STRN3: variants seen among roughly 807,000 people sequenced by gnomAD.
STRN3 encodes striatin 3, also known as striatin-3.
Under a neutral mutation model 95.6 loss-of-function variants are expected in STRN3, and 29 were observed. The observed-to-expected ratio is 0.30, with a 90% CI of 0.23 to 0.41. The LOEUF is 0.41. STRN3 is among the 10% of genes least tolerant of loss of function. STRN3 has a pLI of 1.00. For missense variants in STRN3, 890 were observed against 972.1 expected, an observed-to-expected ratio of 0.92 and a Z score of 1.12; for synonymous variants, 331 against 357.6, an observed-to-expected ratio of 0.93 and a Z score of 0.84.
chr14:30,994,195 TG>T (rs1243837716), intron 1 of STRN3, among the ~76,000 whole-genome samples: 1 of 152,036 alleles, frequency 6.6e-6, no homozygotes, highest in Non-Finnish European at 1.5e-5. Flanking sequence ...TTCAATATGT[TG>T]GCCAGGATGG....
chr14:30,931,456 A>T (rs2139058877), intron 7 of STRN3, among the ~76,000 whole-genome samples: 1 of 152,324 alleles, frequency 6.6e-6, no homozygotes. Context: ...AAAAACACGA[A>T]ATTCTATTAC....
At chr14:30,981,683 C>T (rs1446270452) in intron 1 of STRN3, among the ~76,000 whole-genome samples, 1 of 151,986 alleles carries the variant, frequency 6.6e-6, no homozygotes. Flanking sequence ...GTCCAGTCCC[C>T]GACCTACCCA....
chr14:30,896,801 A>G (rs1000735873), intron 16 of STRN3, among the ~76,000 whole-genome samples: 5 of 152,210 alleles, frequency 3.3e-5, no homozygotes, highest in African/African-American at 2.4e-5. Flanking sequence ...GATATTAACA[A>G]AAACACTGCT....
chr14:30,946,503 C>T (rs1199931620), intron 5 of STRN3, among the ~76,000 whole-genome samples: 1 of 152,124 alleles, frequency 6.6e-6, no homozygotes, highest in East Asian at 1.9e-4. Flanking sequence ...GACAGCACAC[C>T]AGTGCACTCC....
chr14:30,930,204 T>A (rs1056923069), intron 7 of STRN3, among the ~76,000 whole-genome samples: 2 of 152,054 alleles, frequency 1.3e-5, no homozygotes, highest in African/African-American at 4.8e-5. Context: ...AGCATAAAAA[T>A]AATTAAGTCT....
chr14:30,898,915 ACT>A (rs1187843287), intron 16 of STRN3, among the ~76,000 whole-genome samples: 2 of 152,170 alleles, frequency 1.3e-5, no homozygotes, highest in Non-Finnish European at 2.9e-5. Context: ...ACGGAAACAA[ACT>A]GTGTGAGTTT....
At chr14:30,906,495 G>C (rs1896463473) in intron 14 of STRN3, among the ~76,000 whole-genome samples, 1 of 152,130 alleles carries the variant, frequency 6.6e-6, no homozygotes, top group Non-Finnish European at 1.5e-5. Flanking sequence ...TACTCAACTA[G>C]TGTGCTCGAG....
chr14:30,951,811 TA>T (rs1014736388), intron 3 of STRN3, among the ~76,000 whole-genome samples: 2 of 151,728 alleles, frequency 1.3e-5, no homozygotes, highest in African/African-American at 4.8e-5. Context: ...GTGTACACAT[TA>T]AAAAAAATAA....
chr14:30,967,921 G>A (rs894164795), intron 1 of STRN3, among the ~76,000 whole-genome samples: 8 of 152,110 alleles, frequency 5.3e-5, no homozygotes, highest in African/African-American at 1.9e-4. Context: ...CCGGGTGACT[G>A]GGGTGGTGGG....
At chr14:31,008,289 C>G (rs564969516) in intron 1 of STRN3, among the ~76,000 whole-genome samples, 1 of 151,920 alleles carries the variant, frequency 6.6e-6, no homozygotes, top group Admixed American at 6.6e-5. Context: ...GCAGGTGGAT[C>G]GCTTGAGTCA....
rs144253750 is a variant in STRN3 at position 30,936,580 on chromosome 14, G to C, written c.761C>G (p.Ala254Gly). 6.2e-7 allele frequency: 1 copy of C among 1,613,628 alleles called. No homozygotes were observed. Among genetic ancestry groups the C allele is most frequent in the Non-Finnish European group, 8.5e-7 (1 of 1,179,794 alleles). The stretch of plus-strand genomic sequence containing the variant: ...TTCCTCATCTTCATCACTGTCATCG[G>C]CATTTTCTAAGAAATTGAACGTCTC... ...VLETFNFLEN[A>G]DDSDEDEEND... Residue 254 changes from alanine (A) to glycine (G), a missense_variant, in exon 6 of 18, where the codon GCC becomes GGC. Transcript: ENST00000357479.
chr14:30,917,596 C>A (rs376376757), intron 9 of STRN3, among the ~76,000 whole-genome samples: 4 of 150,370 alleles, frequency 2.7e-5, no homozygotes, highest in African/African-American at 9.8e-5. Context: ...TTAGAAAATA[C>A]TTCTAAAGTA....
chr14:31,018,646 G>T (rs544447112), intron 1 of STRN3: 1 of 475,084 alleles, frequency 2.1e-6, no homozygotes, highest in Non-Finnish European at 4.2e-6. Flanking sequence ...AGAACTTTGC[G>T]GACAAAACTG....
chr14:30,981,543 G>C (rs145413590), intron 1 of STRN3, among the ~76,000 whole-genome samples: 205 of 149,348 alleles, frequency 1.4e-3, no homozygotes, highest in African/African-American at 4.7e-3. Flanking sequence ...TCAAAACCTA[G>C]CTAATTATGA....
intron 1 of STRN3, among the ~76,000 whole-genome samples, chr14:30,966,125 C>T (rs1478319875): frequency 6.6e-6 from 1 of 151,976 alleles, no homozygotes; most frequent in East Asian, 1.9e-4. Context: ...ATTAGCCAAT[C>T]GGAATTAGTT....
chr14:30,936,989 G>A (rs577178674), intron 5 of STRN3, among the ~76,000 whole-genome samples: 12 of 152,212 alleles, frequency 7.9e-5, no homozygotes, highest in African/African-American at 1.9e-4. Context: ...TTACAGTTTG[G>A]TCTAAATGTT....
intron 1 of STRN3, among the ~76,000 whole-genome samples, chr14:30,991,878 G>T (rs1483972838): frequency 6.7e-6 from 1 of 150,162 alleles, no homozygotes; most frequent in Non-Finnish European, 1.5e-5. Flanking sequence ...TTGTGGCCAG[G>T]AGTCCAAGAC....
chr14:30,967,326 CAG>C (rs1475997986), intron 1 of STRN3, among the ~76,000 whole-genome samples: 3 of 150,786 alleles, frequency 2.0e-5, no homozygotes, highest in Non-Finnish European at 3.0e-5. Flanking sequence ...GGCAGAGAGA[CAG>C]AGAGTCAGAG....
chr14:30,926,960 T>C (rs1007674092), intron 8 of STRN3, among the ~76,000 whole-genome samples: 3 of 152,072 alleles, frequency 2.0e-5, no homozygotes, highest in Non-Finnish European at 4.4e-5. Flanking sequence ...ATGTTTTCTA[T>C]GATGGTAGTA....
Sources: allele counts gnomAD v4.1 joint callset (sites outside exome capture counted in the v4.1 genomes callset), GRCh38; gene constraint gnomAD v4.1.1; transcripts MANE v1.5; gene names NCBI Gene and HGNC (gene_info 2026-07-23, HGNC 2026-07-21).